The following CDH18 variants were observed in gnomAD, a reference collection of about 807,000 sequenced individuals.
CDH18 encodes cadherin-18.
A neutral mutation model predicts 67.9 loss-of-function variants in CDH18; 31 were observed. The observed-to-expected ratio is 0.46, with a 90% CI of 0.34 to 0.62. The LOEUF (loss-of-function observed/expected upper bound fraction) is 0.62, where lower values mean the gene tolerates loss of function less well. CDH18 is among the 20% of genes least tolerant of loss of function. CDH18 has a pLI of 0.01. For missense variants in CDH18, 890 were observed against 975.5 expected, an observed-to-expected ratio of 0.91 and a Z score of 1.17; for synonymous variants, 362 against 347.2, an observed-to-expected ratio of 1.04 and a Z score of -0.48.
At chr5:20,046,963 C>A (rs1156477841) in intron 2 of CDH18, among the ~76,000 whole-genome samples, 1 of 151,814 alleles carries the variant, frequency 6.6e-6, no homozygotes, top group Non-Finnish European at 1.5e-5. Context: ...ATGTAACTAA[C>A]CTGCACGTTG....
At chr5:19,845,177 T>TA (rs142351005) in intron 2 of CDH18, among the ~76,000 whole-genome samples, 49 of 151,596 alleles carry the variant, frequency 3.2e-4, no homozygotes, top group Non-Finnish European at 5.0e-4. Flanking sequence ...TTCAAAGAAT[T>TA]AAAAAAAAAT....
At chr5:20,313,182 G>C (rs1272556699) in intron 1 of CDH18, among the ~76,000 whole-genome samples, 1 of 152,102 alleles carries the variant, frequency 6.6e-6, no homozygotes, top group Non-Finnish European at 1.5e-5. Flanking sequence ...GCAGTCAATA[G>C]ATTTTTCAGG....
chr5:19,809,104 A>C (rs1226783885), intron 3 of CDH18, among the ~76,000 whole-genome samples: 2 of 152,168 alleles, frequency 1.3e-5, no homozygotes, highest in Non-Finnish European at 2.9e-5. Flanking sequence ...TGGCAGACAA[A>C]GCTGATCTAG....
intron 2 of CDH18, among the ~76,000 whole-genome samples, chr5:19,872,063 G>A (rs1581730075): frequency 6.6e-6 from 1 of 152,038 alleles, no homozygotes; most frequent in African/African-American, 2.4e-5. Context: ...TATTTCCTTA[G>A]AGTTTACACA....
intron 2 of CDH18, among the ~76,000 whole-genome samples, chr5:20,078,077 G>A: frequency 6.6e-6 from 1 of 152,116 alleles, no homozygotes; most frequent in East Asian, 1.9e-4. Context: ...TTCTATTTGA[G>A]GCATAATACT....
chr5:20,315,166 C>T (rs76436434), intron 1 of CDH18, among the ~76,000 whole-genome samples: 3,258 of 152,072 alleles, frequency 0.021, 80 homozygotes, highest in African/African-American at 0.056. Flanking sequence ...AAGACACTAC[C>T]ATCTACCCAA....
At position 20,419,009 on chromosome 5, in the gene CDH18, G is replaced by T. The variant is rs187701007; in HGVS notation, c.-580+156453C>A. On this transcript the variant is annotated intron_variant, in intron 1 of 14. Coordinates refer to the CDH18 transcript ENST00000507958. ...ACTAGATGAGGGATATGGTTTGGCC[G>T]TGTCCCCATCCAAATTTCAACTTGA... 3.2e-3 allele frequency among the ~76,000 whole-genome samples: 480 copies of T among 152,040 alleles called. 1 individual carries two copies. Among genetic ancestry groups the T allele is most frequent in the African/African-American group, 0.011 (462 of 41,456 alleles).
intron 2 of CDH18, among the ~76,000 whole-genome samples, chr5:19,999,298 C>T (rs539972548): frequency 1.3e-5 from 2 of 151,968 alleles, no homozygotes; most frequent in East Asian, 3.9e-4. Context: ...CCACAATTGC[C>T]CACATAAAAC....
chr5:19,725,454 A>G (rs1447825375), intron 4 of CDH18, among the ~76,000 whole-genome samples: 2 of 152,176 alleles, frequency 1.3e-5, no homozygotes, highest in African/African-American at 4.8e-5. Flanking sequence ...GTTAAAAATG[A>G]TATAAAATTA....
intron 10 of CDH18, among the ~76,000 whole-genome samples, chr5:19,507,054 A>T (rs1379921940): frequency 3.1e-4 from 47 of 152,342 alleles, no homozygotes; most frequent in African/African-American, 1.1e-3. Context: ...AAACAAATTT[A>T]CAAGAAAAAA....
At position 19,700,017 on chromosome 5, in the gene CDH18, A is replaced by G. The variant is rs1043583364; in HGVS notation, c.643+21330T>C. Among the ~76,000 whole-genome samples, 100 of 145,138 alleles carry G rather than the reference A, an allele frequency of 6.9e-4. 2 individuals are homozygous for G. Among genetic ancestry groups the G allele is most frequent in the Non-Finnish European group, 1.2e-4 (8 of 66,352 alleles). On this transcript the variant is annotated intron_variant, in intron 5 of 12. Coordinates refer to ENST00000382275, the MANE Select transcript of CDH18 (RefSeq NM_004934.5). ...TAAGAATACATTCAATTAATTTGAG[A>G]TATTTATGAATTATTACAATTTTTT... is the stretch of plus-strand genomic sequence containing the variant.
At chr5:20,097,044 T>C (rs1197215617) in intron 2 of CDH18, among the ~76,000 whole-genome samples, 1 of 152,170 alleles carries the variant, frequency 6.6e-6, no homozygotes, top group Non-Finnish European at 1.5e-5. Flanking sequence ...ATTTTAAATA[T>C]TTATATATGT....
intron 1 of CDH18, among the ~76,000 whole-genome samples, chr5:20,295,277 G>T (rs1454363015): frequency 6.6e-6 from 1 of 152,044 alleles, no homozygotes; most frequent in Non-Finnish European, 1.5e-5. Flanking sequence ...ACATCTCTGG[G>T]AGCCAGCTAT....
Position 20,350,121 on chromosome 5 carries a change from G to A in CDH18, c.-579-94616C>T, listed in dbSNP as rs148583328. On this transcript the variant is annotated intron_variant, in intron 1 of 14. Transcript: ENST00000507958. ...AGGCAATACATGGACTCACTAAGGT[G>A]TCTCCTTGCTTACTGATTTATTCTA... is the stretch of plus-strand genomic sequence containing the variant. Among the ~76,000 whole-genome samples, 958 of 152,192 alleles carry A rather than the reference G, an allele frequency of 6.3e-3. 2 individuals are homozygous for A. Among genetic ancestry groups the A allele is most frequent in the Non-Finnish European group, 0.011 (746 of 67,982 alleles).
chr5:20,272,399 T>G (rs1334530916), intron 1 of CDH18, among the ~76,000 whole-genome samples: 1 of 152,046 alleles, frequency 6.6e-6, no homozygotes. Context: ...TTTCAAAGAC[T>G]GATTGGGAGG....
intron 2 of CDH18, among the ~76,000 whole-genome samples, chr5:20,197,449 G>C (rs563820873): frequency 1.3e-5 from 2 of 152,278 alleles, no homozygotes; most frequent in African/African-American, 4.8e-5. Context: ...CTGCCCATTA[G>C]TTCTAATTTT....
chr5:19,652,530 A>T lies in CDH18; in HGVS notation c.644-39929T>A, dbSNP rs72739161. On this transcript the variant is annotated intron_variant, in intron 5 of 12. Coordinates refer to ENST00000382275, the MANE Select transcript of CDH18 (RefSeq NM_004934.5). ...TATTAGAGCAAAAAGAGTTTTTTTT[A>T]AAAAAAAGAATTTAAGAATGTGGAT... Among the ~76,000 whole-genome samples, 647 of 150,314 alleles carry T rather than the reference A, an allele frequency of 4.3e-3. 5 individuals are homozygous for T. The highest frequency in any genetic ancestry group is 0.014 in the Middle Eastern group (4 of 288).
chr5:19,889,111 T>G (rs768576015), intron 2 of CDH18, among the ~76,000 whole-genome samples: 1 of 152,134 alleles, frequency 6.6e-6, no homozygotes, highest in Non-Finnish European at 1.5e-5. Flanking sequence ...GTTGTTGTAT[T>G]GTATTTTTTT....
intron 1 of CDH18, among the ~76,000 whole-genome samples, chr5:20,494,792 G>A (rs1307969893): frequency 1.3e-5 from 2 of 152,102 alleles, no homozygotes; most frequent in Non-Finnish European, 2.9e-5. Context: ...GTCTGGAGGA[G>A]TGGGGATATC....
Sources: gnomAD v4.1 joint callset for allele counts (sites outside exome capture counted in the v4.1 genomes callset) on GRCh38, gnomAD v4.1.1 for gene constraint, MANE v1.5 for transcripts, NCBI Gene and HGNC (gene_info 2026-07-23, HGNC 2026-07-21) for gene names.